LUZP2: variants seen among roughly 807,000 people sequenced by gnomAD.
LUZP2 encodes leucine zipper protein 2.
LUZP2 carries 52 observed loss-of-function variants against 51.6 expected under a neutral mutation model. The ratio of observed to expected loss-of-function variants is 1.01; its 90% CI spans 0.81 to 1.27. The LOEUF is 1.27. LUZP2 is among the 50% of genes most tolerant of loss of function. The pLI is 0.00. For synonymous variants in LUZP2, 154 were observed against 137.3 expected (o/e 1.12, Z -0.85); for missense variants, 436 against 395.4 (o/e 1.10, Z -0.87).
At position 24,684,809 on chromosome 11, in the gene LUZP2, C is replaced by G. The variant is rs539367838; in HGVS notation, c.63-44360C>G. On this transcript the variant is annotated intron_variant, in intron 1 of 11. Coordinates refer to ENST00000336930, the MANE Select transcript of LUZP2 (RefSeq NM_001009909.4). ...CCTGTCTCACTTCCCAGCTCCCCAA[C>G]TAGGAATTTATGGGATCACCACTCA... Among the ~76,000 whole-genome samples the G allele has an allele frequency of 7.2e-5, 11 of 152,284 alleles. No individual in the cohort carries two copies. The South Asian group carries it at 2.3e-3, about 32-fold the overall frequency.
intron 2 of LUZP2, among the ~76,000 whole-genome samples, chr11:24,729,508 A>G (rs954458576): frequency 2.6e-5 from 4 of 151,982 alleles, no homozygotes; most frequent in African/African-American, 9.7e-5. Flanking sequence ...TGTTCTTGGC[A>G]GAGCCATCAA....
At chr11:25,066,478 G>T (rs1259814376) in intron 10 of LUZP2, among the ~76,000 whole-genome samples, 1 of 151,934 alleles carries the variant, frequency 6.6e-6, no homozygotes, top group Non-Finnish European at 1.5e-5. Flanking sequence ...TGCTTATCAA[G>T]TTTGAAGAAT....
chr11:24,685,936 C>T (rs1028839145), intron 1 of LUZP2, among the ~76,000 whole-genome samples: 2 of 152,116 alleles, frequency 1.3e-5, no homozygotes, highest in African/African-American at 4.8e-5. Context: ...GAAGAAGCAT[C>T]AAAGCATTAT....
chr11:24,497,767 TG>T (rs1419932847), intron 1 of LUZP2, among the ~76,000 whole-genome samples: 2 of 152,180 alleles, frequency 1.3e-5, no homozygotes, highest in African/African-American at 4.8e-5. Flanking sequence ...AGATTAATCC[TG>T]GAAGATGCTA....
At chr11:24,687,534 C>G (rs1856932046) in intron 1 of LUZP2, among the ~76,000 whole-genome samples, 1 of 152,186 alleles carries the variant, frequency 6.6e-6, no homozygotes, top group Admixed American at 6.5e-5. Context: ...TCCTAGGTCA[C>G]AGAGCCGCTA....
intron 4 of LUZP2, among the ~76,000 whole-genome samples, chr11:24,745,964 T>G (rs572163071): frequency 2.6e-5 from 4 of 152,216 alleles, no homozygotes; most frequent in African/African-American, 9.6e-5. Flanking sequence ...AGGCATGAGC[T>G]ACTGTGCCCA....
At chr11:24,525,565 T>G (rs1850772542) in intron 1 of LUZP2, among the ~76,000 whole-genome samples, 1 of 151,448 alleles carries the variant, frequency 6.6e-6, no homozygotes, top group Admixed American at 6.6e-5. Context: ...TCCTTTAATG[T>G]GATGCAGAGA....
intron 1 of LUZP2, among the ~76,000 whole-genome samples, chr11:24,708,531 CTG>C (rs1200196861): frequency 6.6e-6 from 1 of 152,172 alleles, no homozygotes; most frequent in African/African-American, 2.4e-5. Flanking sequence ...CTGGCAGACT[CTG>C]TGTGCTGGGG....
intron 7 of LUZP2, among the ~76,000 whole-genome samples, chr11:24,924,464 C>G (rs1394099802): frequency 6.6e-6 from 1 of 152,168 alleles, no homozygotes; most frequent in Non-Finnish European, 1.5e-5. Flanking sequence ...CTCCCAAATG[C>G]TGTTTGGAAG....
intron 1 of LUZP2, among the ~76,000 whole-genome samples, chr11:24,582,395 A>C (rs1037902046): frequency 6.6e-6 from 1 of 150,578 alleles, no homozygotes; most frequent in Non-Finnish European, 1.5e-5. Flanking sequence ...AGAGAGATGA[A>C]TAGAAATAAA....
Position 25,068,349 on chromosome 11 carries a change from T to A in LUZP2, c.859-8980T>A, listed in dbSNP as rs114631602. The stretch of plus-strand genomic sequence containing the variant: ...AAATAAAAAGGTACTTTTATGTATT[T>A]TTCTTTCAGTTTTATAATTTAATTT... On this transcript the variant is annotated intron_variant, in intron 10 of 11. Transcript: ENST00000336930. 3.5e-3 allele frequency among the ~76,000 whole-genome samples: 526 copies of A among 152,106 alleles called. 2 individuals carry two copies. The highest frequency in any genetic ancestry group is 0.012 in the African/African-American group (499 of 41,546).
At chr11:24,964,182 A>T (rs935863788) in intron 7 of LUZP2, among the ~76,000 whole-genome samples, 1 of 152,296 alleles carries the variant, frequency 6.6e-6, no homozygotes, top group Admixed American at 6.5e-5. Context: ...TAACTGTCAG[A>T]TGAGGATAAT....
intron 5 of LUZP2, among the ~76,000 whole-genome samples, chr11:24,823,568 G>T (rs764518849): frequency 6.6e-6 from 1 of 151,998 alleles, no homozygotes; most frequent in Non-Finnish European, 1.5e-5. Context: ...ATTATGGAGG[G>T]GCAGTAGGGG....
intron 4 of LUZP2, among the ~76,000 whole-genome samples, chr11:24,751,938 A>C (rs1859605747): frequency 1.3e-5 from 2 of 152,152 alleles, no homozygotes; most frequent in South Asian, 4.1e-4. Context: ...CTACTTGATA[A>C]TGTTAACTGT....
At chr11:24,772,970 T>C (rs1407986497) in intron 5 of LUZP2, among the ~76,000 whole-genome samples, 2 of 152,190 alleles carry the variant, frequency 1.3e-5, no homozygotes, top group Admixed American at 6.5e-5. Context: ...AAATAACTTA[T>C]TTCCAAATAA....
At chr11:24,786,442 A>C (rs1161564954) in intron 5 of LUZP2, 1 of 982,442 alleles carries the variant, frequency 1.0e-6, no homozygotes, top group Non-Finnish European at 1.2e-6. Context: ...TGGTACCAAA[A>C]ATTCTGCGTA....
At chr11:24,652,798 C>T (rs1011626428) in intron 1 of LUZP2, among the ~76,000 whole-genome samples, 1 of 151,906 alleles carries the variant, frequency 6.6e-6, no homozygotes, top group Non-Finnish European at 1.5e-5. Context: ...ATGCTGTATG[C>T]ATTTTGACAG....
chr11:24,799,731 A>G (rs1014674971), intron 5 of LUZP2, among the ~76,000 whole-genome samples: 13 of 152,204 alleles, frequency 8.5e-5, no homozygotes, highest in Admixed American at 2.0e-4. Flanking sequence ...AAGGTGATAA[A>G]TAATTATAGC....
Position 24,558,753 on chromosome 11 carries a change from T to C in LUZP2, c.62+61448T>C, listed in dbSNP as rs75372921. ...GTTGAGGAAGCAGCTTTGTTCTTTT[T>C]TGCTCTTTGATTCTTCTGCCACATG... is the stretch of plus-strand genomic sequence containing the variant. On this transcript the variant is annotated intron_variant, in intron 1 of 11. Coordinates refer to ENST00000336930, the MANE Select transcript of LUZP2 (RefSeq NM_001009909.4). Among the ~76,000 whole-genome samples, 1,083 of 152,258 alleles carry C rather than the reference T, an allele frequency of 7.1e-3. 15 individuals carry two copies. The highest frequency in any genetic ancestry group is 0.025 in the African/African-American group (1,040 of 41,550).
Sources: gnomAD v4.1 joint callset for allele counts (sites outside exome capture counted in the v4.1 genomes callset) on GRCh38, gnomAD v4.1.1 for gene constraint, MANE v1.5 for transcripts, NCBI Gene and HGNC (gene_info 2026-07-23, HGNC 2026-07-21) for gene names.